Variants in PRKAB2 observed in about 807,000 individuals in gnomAD.
PRKAB2 encodes protein kinase AMP-activated non-catalytic subunit beta 2.
In PRKAB2, 18 loss-of-function variants were observed where a neutral mutation model predicts 29.8. That is an observed-to-expected ratio of 0.60 (90% confidence interval 0.42 to 0.89). The LOEUF is 0.89. PRKAB2 is among the 40% of genes least tolerant of loss of function. The pLI, the probability that PRKAB2 is intolerant of heterozygous loss-of-function variation, is 0.00. For synonymous variants in PRKAB2, 136 were observed against 125.9 expected (o/e 1.08, Z -0.54); for missense variants, 270 against 344.3 (o/e 0.78, Z 1.71).
rs369329867 is a variant in PRKAB2 at position 147,172,093 on chromosome 1, C to T, written c.52G>A (p.Ala18Thr). ...CCGCCTGCGCCCTCGGAGCGTGCAG[C>T]CTTGGCGCCGTGGCGCTCCCCGGAC... Reference protein sequence around the residue: ...RVSGERHGAKAARSEGAGGHA... With the variant: ...RVSGERHGAKTARSEGAGGHA... Residue 18 changes from alanine to threonine, a missense_variant, in exon 2 of 8, where the codon GCT (alanine) becomes ACT (threonine). By Grantham distance (58) the Ala-to-Thr change is moderately conservative. Around this residue, in one of 2 missense-constraint regions of PRKAB2, gnomAD observed 228 missense variants for 255.5 expected, o/e 0.89. Coordinates refer to ENST00000254101, the MANE Select transcript of PRKAB2 (RefSeq NM_005399.5). 1.3e-6 allele frequency: 2 copies of T among 1,562,614 alleles called. No homozygotes were observed. The highest frequency in any genetic ancestry group is 2.7e-5 in the African/African-American group (2 of 73,336).
intron 2 of PRKAB2, among the ~76,000 whole-genome samples, chr1:147,170,447 A>G (rs1256186399): frequency 6.6e-6 from 1 of 152,216 alleles, no homozygotes; most frequent in Non-Finnish European, 1.5e-5. Context: ...AATGAGGCGG[A>G]TCACCTTTCG....
intron 6 of PRKAB2, 93 bp downstream of exon 6, chr1:147,162,347 C>T: frequency 7.7e-7 from 1 of 1,303,270 alleles, no homozygotes; most frequent in South Asian, 1.5e-5. Context: ...CTCAACACAC[C>T]TCTGTAGTAA....
chr1:147,166,955 GAA>G lies in PRKAB2; in HGVS notation c.324-18_324-17del, dbSNP rs1462732022. ...GTCATTATGGCTACAGAAGAAAAAA[GAA>G]AGGCAAACAGGCCAAGTTCCTTTTA... On this transcript the variant is annotated splice_polypyrimidine_tract_variant and intron_variant, in intron 3 of 7. Coordinates refer to ENST00000254101, the MANE Select transcript of PRKAB2 (RefSeq NM_005399.5). 6.2e-7 allele frequency: 1 copy of G among 1,604,400 alleles called. No homozygotes were observed. The highest frequency in any genetic ancestry group is 8.5e-7 in the Non-Finnish European group (1 of 1,171,788).
rs1553914551 is a variant in PRKAB2, at chr1:147,172,133, GGT to G, written c.10_11del (p.Thr4HisfsTer46). 1 of 1,550,600 alleles carries G rather than the reference GGT, an allele frequency of 6.4e-7. No homozygotes were observed. Among genetic ancestry groups the G allele is most frequent in the African/African-American group, 1.4e-5 (1 of 73,028 alleles). ...GCTCCCCGGACACCCGGTCGCTGGT[GGT>G]GTTTCCCATGGCTGCAGCTCGTCGG... MGN[T>X]TSDRVSGERH... On this transcript the variant is annotated frameshift_variant, in exon 2 of 8. Coordinates refer to ENST00000254101, the MANE Select transcript of PRKAB2 (RefSeq NM_005399.5). LOFTEE classifies it high-confidence loss of function.
rs368585210 is a variant in PRKAB2, at chr1:147,163,562, A to C, written c.539-989T>G. Among the ~76,000 whole-genome samples the C allele has an allele frequency of 7.2e-4, 110 of 152,034 alleles. No individual in the cohort carries two copies. The Middle Eastern group carries it at 0.01, about 14-fold the overall frequency. ...GGTTAGAACATGGATGAACCCTGAA[A>C]ACATTATGCTAAGTGAAAGACGCCA... On this transcript the variant is annotated intron_variant, in intron 5 of 7. Coordinates refer to ENST00000254101, the MANE Select transcript of PRKAB2 (RefSeq NM_005399.5).
At chr1:147,172,394 G>T (rs1397820970) in intron 1 of PRKAB2, 35 bp downstream of exon 1, 1 of 556,254 alleles carries the variant, frequency 1.8e-6, no homozygotes, top group Non-Finnish European at 3.1e-6. Context: ...CCGCGTCCCC[G>T]CGCTCACTGC....
chr1:147,168,843 A>C (rs587754781), intron 2 of PRKAB2, among the ~76,000 whole-genome samples: 2 of 152,336 alleles, frequency 1.3e-5, no homozygotes, highest in African/African-American at 4.8e-5. Flanking sequence ...TCTGTCACCC[A>C]GGCTGGAATG....
chr1:147,162,527 C>T lies in PRKAB2; in HGVS notation c.585G>A (p.Ala195=), dbSNP rs782161406. 1.7e-5 allele frequency: 27 copies of T among 1,611,752 alleles called. No homozygotes were observed. Among genetic ancestry groups the T allele is most frequent in the Middle Eastern group, 1.6e-4 (1 of 6,078 alleles). The change falls in exon 6 of 8, where the codon GCG becomes GCA. Residue 195 remains alanine (A), a synonymous_variant. Coordinates refer to ENST00000254101, the MANE Select transcript of PRKAB2 (RefSeq NM_005399.5). The part of the protein sequence containing the change: ...PPGPYGQEMY[A]FRSEERFKSP... ...ATTTGAATCTTTCCTCAGATCGAAA[C>T]GCATACATTTCTTGACCATAAGGCC...
chr1:147,162,444 A>G lies in PRKAB2; in HGVS notation c.668T>C (p.Ile223Thr). 6.2e-7 allele frequency: 1 copy of G among 1,612,106 alleles called. No homozygotes were observed. The highest frequency in any genetic ancestry group is 8.5e-7 in the Non-Finnish European group (1 of 1,178,612). ...LQVILNKDTN[I>T]SCDPALLPEP... ...AGTAATACTCAGGATACTCACAGAAATATTAGTGTCTTTGTTAAGAATAAC... is the reference window on the plus strand; with the variant it reads ...AGTAATACTCAGGATACTCACAGAAGTATTAGTGTCTTTGTTAAGAATAAC... Residue 223 changes from isoleucine to threonine, a missense_variant, in exon 6 of 8, where the codon ATT (isoleucine) becomes ACT (threonine). Around this residue, in one of 2 missense-constraint regions of PRKAB2, gnomAD observed 42 missense variants for 88.8 expected, o/e 0.47. Coordinates refer to ENST00000254101, the MANE Select transcript of PRKAB2 (RefSeq NM_005399.5).
In PRKAB2 at chr1:147,157,565, C is replaced by T. The variant is rs1653737212; in HGVS notation, c.*2000G>A. 1.3e-5 allele frequency: 2 copies of T among 152,258 alleles called. No homozygotes were observed. Among genetic ancestry groups the T allele is most frequent in the Middle Eastern group, 3.4e-3 (1 of 294 alleles). The allele number at this position is 152,258 out of a possible 1,614,324, so 9.4% of individuals were successfully genotyped here. A position where few individuals can be genotyped will look rare whatever the true frequency, so the allele number is the denominator to read the frequency against. Reference sequence around the variant, plus strand: ...GAGTAAAAATTTTCATACATGAACACATACATATTACATTTCAATACTGTT... The same window carrying T: ...GAGTAAAAATTTTCATACATGAACATATACATATTACATTTCAATACTGTT... On this transcript the variant is annotated 3_prime_UTR_variant, in exon 8 of 8. Coordinates refer to ENST00000254101, the MANE Select transcript of PRKAB2 (RefSeq NM_005399.5).
At chr1:147,160,777 G>T (rs1401639874) in intron 7 of PRKAB2, 1 of 152,164 alleles carries the variant, frequency 6.6e-6, no homozygotes, top group Non-Finnish European at 1.5e-5. Context: ...GACCTCAGCA[G>T]TCCTGTCTCT....
chr1:147,159,457 T>C lies in PRKAB2; in HGVS notation c.*108A>G. Reference sequence around the variant, plus strand: ...CTACTCAGAGGCTCTGAAACACACATATCAGCCTCAAAGCAAATCAGCCTT... The same window carrying C: ...CTACTCAGAGGCTCTGAAACACACACATCAGCCTCAAAGCAAATCAGCCTT... On this transcript the variant is annotated 3_prime_UTR_variant, in exon 8 of 8. Transcript: ENST00000254101. 1.1e-6 allele frequency: 1 copy of C among 915,404 alleles called. No individual in the cohort carries two copies. 56.7% of individuals were successfully genotyped at this position (915,404 alleles called of 1,614,324 possible).
In PRKAB2 at chr1:147,158,252, G is replaced by A. The variant is rs1653770813; in HGVS notation, c.*1313C>T. ...ACACCTTTAAAAAGAAGAGGCAGGAGAACAAAATGATTTTGTTAACATTTG... is the reference window on the plus strand; with the variant it reads ...ACACCTTTAAAAAGAAGAGGCAGGAAAACAAAATGATTTTGTTAACATTTG... On this transcript the variant is annotated 3_prime_UTR_variant, in exon 8 of 8. Transcript: ENST00000254101. 1 of 152,160 alleles carries A rather than the reference G, an allele frequency of 6.6e-6. No individual in the cohort carries two copies. The highest frequency in any genetic ancestry group is 1.9e-4 in the East Asian group (1 of 5,198). The allele number at this position is 152,160 out of a possible 1,614,324, so 9.4% of individuals were successfully genotyped here. A position where few individuals can be genotyped will look rare whatever the true frequency, so the allele number is the denominator to read the frequency against.
chr1:147,167,871 T>C lies in PRKAB2; in HGVS notation c.219A>G (p.Thr73=). 2 of 1,614,158 alleles carry C rather than the reference T, an allele frequency of 1.2e-6. No individual in the cohort carries two copies. The highest frequency in any genetic ancestry group is 1.7e-6 in the Non-Finnish European group (2 of 1,180,018). Reference sequence around the variant, plus strand: ...GGATAACAGTGGGCCGGGCCTGCTGTGTGGGCTTTACGGAGTCCTCCAAAT... The same window carrying C: ...GGATAACAGTGGGCCGGGCCTGCTGCGTGGGCTTTACGGAGTCCTCCAAAT... ...QQDLEDSVKP[T]QQARPTVIRW... is the part of the protein sequence containing the mutation. The change falls in exon 3 of 8, where the codon ACA becomes ACG. Residue 73 remains threonine, a synonymous_variant. Coordinates refer to ENST00000254101, the MANE Select transcript of PRKAB2 (RefSeq NM_005399.5).
In PRKAB2 at chr1:147,171,978, G is replaced by T; in HGVS notation, c.156+11C>A. ...CAGTACTGACACCAACTGCGGGCAT[G>T]GGACGCTTACCTTGGAGTCAGGGAG... On this transcript the variant is annotated intron_variant, in intron 2 of 7. Coordinates refer to ENST00000254101, the MANE Select transcript of PRKAB2 (RefSeq NM_005399.5). 6.3e-7 allele frequency: 1 copy of T among 1,597,918 alleles called. No homozygotes were observed. The highest frequency in any genetic ancestry group is 8.5e-7 in the Non-Finnish European group (1 of 1,173,014).
rs1249292437 is a variant in PRKAB2 at position 147,157,096 on chromosome 1, A to C, written c.*2469T>G. ...AAAAAAATTTTTTTTGCCTTTACTC[A>C]TTTTCAAAATCTGTCAAACTCTCCT... On this transcript the variant is annotated 3_prime_UTR_variant, in exon 8 of 8. Transcript: ENST00000254101. The C allele has an allele frequency of 6.6e-6, 1 of 152,090 alleles. No homozygotes were observed. The highest frequency in any genetic ancestry group is 1.5e-5 in the Non-Finnish European group (1 of 68,004). The allele number at this position is 152,090 out of a possible 1,614,324, so 9.4% of individuals were successfully genotyped here.
In PRKAB2 at chr1:147,159,469, A is replaced by C; in HGVS notation, c.*96T>G. ...TCTGAAACACACATATCAGCCTCAA[A>C]GCAAATCAGCCTTCCAGTCTCAGGT... On this transcript the variant is annotated 3_prime_UTR_variant, in exon 8 of 8. Transcript: ENST00000254101. The C allele has an allele frequency of 8.9e-7, 1 of 1,121,234 alleles. No individual in the cohort carries two copies. The highest frequency in any genetic ancestry group is 1.3e-6 in the Non-Finnish European group (1 of 761,200). 69.5% of individuals were successfully genotyped at this position (1,121,234 alleles called of 1,614,324 possible).
At position 147,172,173 on chromosome 1, in the gene PRKAB2, G is replaced by A; in HGVS notation, c.-23-6C>T. ...TGCAGCTCGTCGGGGACCACCTACC[G>A]CGGGGAACGACACCGGGCTGGGAAC... On this transcript the variant is annotated splice_polypyrimidine_tract_variant and splice_region_variant and intron_variant, in intron 1 of 7. Coordinates refer to ENST00000254101, the MANE Select transcript of PRKAB2 (RefSeq NM_005399.5). 2 of 1,529,790 alleles carry A rather than the reference G, an allele frequency of 1.3e-6. No individual in the cohort carries two copies. The highest frequency in any genetic ancestry group is 2.0e-5 in the Admixed American group (1 of 49,934). 94.8% of individuals were successfully genotyped at this position (1,529,790 alleles called of 1,614,324 possible). A position where few individuals can be genotyped will look rare whatever the true frequency, so the allele number is the denominator to read the frequency against.
chr1:147,172,162 G>T lies in PRKAB2; in HGVS notation c.-18C>A. 6 of 1,539,226 alleles carry T rather than the reference G, an allele frequency of 3.9e-6. No homozygotes were observed. Among genetic ancestry groups the T allele is most frequent in the Non-Finnish European group, 5.3e-6 (6 of 1,142,468 alleles). ...TTTCCCATGGCTGCAGCTCGTCGGG[G>T]ACCACCTACCGCGGGGAACGACACC... On this transcript the variant is annotated 5_prime_UTR_variant, in exon 2 of 8. Transcript: ENST00000254101.
Sources: gnomAD v4.1 joint callset for allele counts (sites outside exome capture counted in the v4.1 genomes callset) on GRCh38, gnomAD v4.1.1 for gene constraint, gnomAD v4.1.1 regional missense constraint, MANE v1.5 for transcripts, NCBI Gene and HGNC (gene_info 2026-07-23, HGNC 2026-07-21) for gene names.